PHF19: variants seen among roughly 807,000 people sequenced by gnomAD.
PHF19 encodes PHD finger protein 19, also known as polycomb like 3.
A neutral mutation model predicts 79.8 loss-of-function variants in PHF19; 21 were observed. That is an observed-to-expected ratio of 0.26 (90% confidence interval 0.19 to 0.38). The LOEUF is 0.38. PHF19 is among the 10% of genes least tolerant of loss of function. The pLI is 1.00. For synonymous variants in PHF19, 273 were observed against 296.3 expected, an observed-to-expected ratio of 0.92 and a Z score of 0.81; for missense variants, 445 against 744.2, an observed-to-expected ratio of 0.60 and a Z score of 4.68.
rs1200801874 is a variant in PHF19 at position 120,869,959 on chromosome 9, G to A, written c.365-14C>T. The A allele has an allele frequency of 8.3e-6, 13 of 1,560,748 alleles. No homozygotes were observed. The highest frequency in any genetic ancestry group is 1.9e-5 in the Admixed American group (1 of 51,698). On this transcript the variant is annotated splice_polypyrimidine_tract_variant and intron_variant, in intron 4 of 14. Transcript: ENST00000373896. This position sits in a 1 kb window ranked among gnomAD's most constrained non-coding sequence, Gnocchi z 5.8. The stretch of plus-strand genomic sequence containing the variant: ...GCTGGTGGTAACCTACGGCAGAGGA[G>A]GGGGCGGTGAGCGCCCACAAGGACA...
rs917001467 is a variant in PHF19 at position 120,857,055 on chromosome 9, T to G, written c.*889A>C. The G allele has an allele frequency of 1.3e-5, 2 of 152,388 alleles. No homozygotes were observed. The highest frequency in any genetic ancestry group is 2.9e-5 in the Non-Finnish European group (2 of 68,148). 9.4% of individuals were successfully genotyped at this position (152,388 alleles called of 1,614,324 possible). A position where few individuals can be genotyped will look rare whatever the true frequency, so the allele number is the denominator to read the frequency against. On this transcript the variant is annotated 3_prime_UTR_variant, in exon 15 of 15. Coordinates refer to ENST00000373896, the MANE Select transcript of PHF19 (RefSeq NM_015651.3). Reference sequence around the variant, plus strand: ...GTGCGAGTGGGTGTGTATTGTCTGCTGTGTGGTGTCTGGTGGGTCTGGGGA... The same window carrying G: ...GTGCGAGTGGGTGTGTATTGTCTGCGGTGTGGTGTCTGGTGGGTCTGGGGA...
At chr9:120,871,853 T>C (rs2045904927) in intron 3 of PHF19, among the ~76,000 whole-genome samples, 1 of 151,394 alleles carries the variant, frequency 6.6e-6, no homozygotes, top group Non-Finnish European at 1.5e-5. Flanking sequence ...GCCTGCCCAA[T>C]AGGGTGACAC....
At chr9:120,876,020 G>C (rs538358591) in intron 1 of PHF19, 1 of 152,814 alleles carries the variant, frequency 6.5e-6, no homozygotes, top group African/African-American at 2.4e-5. Context: ...CAGGGAGAGA[G>C]TCCAGTGCCT....
chr9:120,874,122 A>G lies in PHF19; in HGVS notation c.187-62T>C. 1.2e-6 allele frequency: 1 copy of G among 851,336 alleles called. No individual in the cohort carries two copies. Among genetic ancestry groups the G allele is most frequent in the Non-Finnish European group, 2.0e-6 (1 of 506,458 alleles). 52.7% of individuals were successfully genotyped at this position (851,336 alleles called of 1,614,324 possible). A position where few individuals can be genotyped will look rare whatever the true frequency, so the allele number is the denominator to read the frequency against. ...CTGGGGAAAAGCCAACCTGGAACATAGTCTTCCTCCCCCATTTTTGTCTCC... is the reference window on the plus strand; with the variant it reads ...CTGGGGAAAAGCCAACCTGGAACATGGTCTTCCTCCCCCATTTTTGTCTCC... On this transcript the variant is annotated intron_variant, in intron 2 of 14. Coordinates refer to ENST00000373896, the MANE Select transcript of PHF19 (RefSeq NM_015651.3). This position sits in a 1 kb window ranked among gnomAD's most constrained non-coding sequence, Gnocchi z 4.5.
At position 120,862,054 on chromosome 9, in the gene PHF19, C is replaced by T; in HGVS notation, c.1131-49G>A. Reference sequence around the variant, plus strand: ...GGTGGCCCCGTCAGAGCCTGAGGGCCCTAGGGTGGCCCAGAGGGAGGCGCC... The same window carrying T: ...GGTGGCCCCGTCAGAGCCTGAGGGCTCTAGGGTGGCCCAGAGGGAGGCGCC... On this transcript the variant is annotated intron_variant, in intron 11 of 14. Transcript: ENST00000373896. The surrounding 1 kb of genome is among the most constrained non-coding windows in gnomAD (Gnocchi z 4.6). 7.0e-7 allele frequency: 1 copy of T among 1,418,676 alleles called. No homozygotes were observed. Among genetic ancestry groups the T allele is most frequent in the Non-Finnish European group, 1.0e-6 (1 of 1,001,656 alleles). 87.9% of individuals were successfully genotyped at this position (1,418,676 alleles called of 1,614,324 possible). A position where few individuals can be genotyped will look rare whatever the true frequency, so the allele number is the denominator to read the frequency against.
At chr9:120,897,823 C>T (rs1471078255), upstream of PHF19, among the ~76,000 whole-genome samples, 7 of 151,420 alleles carry the variant, frequency 4.6e-5, no homozygotes, top group Non-Finnish European at 7.4e-5. Context: ...TGCAAAAATA[C>T]AAAAAATGAG....
intron 3 of PHF19, among the ~76,000 whole-genome samples, chr9:120,872,134 C>T (rs2045922304): frequency 2.7e-5 from 4 of 150,650 alleles, no homozygotes; most frequent in Admixed American, 2.6e-4. Flanking sequence ...ACAGGTGTTC[C>T]AAGACGTTTG....
At chr9:120,867,382 T>C (rs930820109) in intron 6 of PHF19, among the ~76,000 whole-genome samples, 3 of 152,232 alleles carry the variant, frequency 2.0e-5, no homozygotes, top group African/African-American at 7.2e-5. Context: ...GGGAGAATAA[T>C]GGTTTCTGTA....
chr9:120,858,837 A>T (rs1438025186), intron 14 of PHF19, among the ~76,000 whole-genome samples: 1 of 151,646 alleles, frequency 6.6e-6, no homozygotes, highest in Non-Finnish European at 1.5e-5. Flanking sequence ...ACACACACAC[A>T]CACACACACA....
At chr9:120,877,033 G>C (rs114359938) in intron 1 of PHF19, 58 bp downstream of exon 1, 2 of 985,428 alleles carry the variant, frequency 2.0e-6, no homozygotes, top group Non-Finnish European at 2.4e-6. Context: ...AAAAGAGAGG[G>C]ATGAGGGCCG....
At chr9:120,876,463 C>A (rs957226564) in intron 1 of PHF19, 1 of 151,756 alleles carries the variant, frequency 6.6e-6, no homozygotes, top group African/African-American at 2.4e-5. Flanking sequence ...CCCCCAGCCC[C>A]CGCCTCCGTC....
At chr9:120,883,515 T>C (rs2046218561) in intron 1 of PHF19, among the ~76,000 whole-genome samples, 1 of 152,032 alleles carries the variant, frequency 6.6e-6, no homozygotes, top group Non-Finnish European at 1.5e-5. Flanking sequence ...TCCCAGCACT[T>C]TGGGAGGCTG....
rs767966845 is a variant in PHF19, at chr9:120,862,746, G to A, written c.972C>T (p.Phe324=). The A allele has an allele frequency of 6.2e-7, 1 of 1,614,042 alleles. No homozygotes were observed. Among genetic ancestry groups the A allele is most frequent in the Non-Finnish European group, 8.5e-7 (1 of 1,179,946 alleles). ...TCTTCTTGATCTCCTTGCCGCAGAG[G>A]AACCTGGGGGTGGGCAGTGGGAGGA... ...LNALNSYKSR[F]LCGKEIKKKK... is the part of the protein sequence containing the mutation. The change falls in exon 11 of 15, where the codon TTC becomes TTT. Residue 324 remains phenylalanine, a synonymous_variant. Transcript: ENST00000373896. The surrounding 1 kb of genome is among the most constrained non-coding windows in gnomAD (Gnocchi z 4.6).
chr9:120,889,769 G>GAA (rs1167809015), intron 1 of PHF19, among the ~76,000 whole-genome samples: 2 of 146,910 alleles, frequency 1.4e-5, no homozygotes, highest in Non-Finnish European at 3.0e-5. Context: ...GAGAGAGAGA[G>GAA]AAAGAAAGAA....
chr9:120,901,664 G>C, the PHF19 span, among the ~76,000 whole-genome samples: 1 of 152,188 alleles, frequency 6.6e-6, no homozygotes, highest in African/African-American at 2.4e-5. Flanking sequence ...ATTTGGATTA[G>C]GAGTCACAGA....
chr9:120,863,093 T>C (rs554716657), intron 10 of PHF19: 2 of 263,708 alleles, frequency 7.6e-6, no homozygotes, highest in Non-Finnish European at 1.5e-5. Context: ...TGGAATCTAC[T>C]TCATTCTGTT....
rs1200990627 is a variant in PHF19, at chr9:120,856,167, C to T, written c.*1777G>A. The T allele has an allele frequency of 6.5e-6, 1 of 152,824 alleles. No homozygotes were observed. The highest frequency in any genetic ancestry group is 1.5e-5 in the Non-Finnish European group (1 of 68,170). 9.5% of individuals were successfully genotyped at this position (152,824 alleles called of 1,614,324 possible). A position where few individuals can be genotyped will look rare whatever the true frequency, so the allele number is the denominator to read the frequency against. On this transcript the variant is annotated 3_prime_UTR_variant, in exon 15 of 15. Transcript: ENST00000373896. ...GCTGAAAAGGGGGAAGAACTGGGTC[C>T]AACGCCAGCTCGTCTATGCCTGGGC... is the stretch of plus-strand genomic sequence containing the variant.
the PHF19 span, among the ~76,000 whole-genome samples, chr9:120,902,042 T>C: frequency 3.3e-5 from 5 of 152,122 alleles, no homozygotes; most frequent in Non-Finnish European, 7.4e-5. Context: ...GTATACACAG[T>C]GCAGACAGTT....
At chr9:120,875,423 C>A (rs896677635) in intron 1 of PHF19, among the ~76,000 whole-genome samples, 1 of 152,204 alleles carries the variant, frequency 6.6e-6, no homozygotes, top group African/African-American at 2.4e-5. Flanking sequence ...AGCCTCTCCA[C>A]GCCTGTCTCT....
Sources: gnomAD v4.1 joint callset for allele counts (sites outside exome capture counted in the v4.1 genomes callset) on GRCh38, gnomAD v4.1.1 for gene constraint, Gnocchi (gnomAD v3.1) non-coding constraint, MANE v1.5 for transcripts, NCBI Gene and HGNC (gene_info 2026-07-23, HGNC 2026-07-21) for gene names.